The following MRAS variants were observed in gnomAD, a reference collection of about 807,000 sequenced individuals.
MRAS encodes the protein ras-related protein M-Ras.
A neutral mutation model predicts 20.9 loss-of-function variants in MRAS; 4 were observed. That is an observed-to-expected ratio of 0.19 (90% CI 0.09 to 0.44). The LOEUF is 0.44. MRAS is among the 20% of genes least tolerant of loss of function. The pLI is 0.99. For missense variants in MRAS, 154 were observed against 277.5 expected (o/e 0.56, Z 3.16); for synonymous variants, 98 against 102.9 (o/e 0.95, Z 0.29).
intron 1 of MRAS, among the ~76,000 whole-genome samples, chr3:138,363,784 A>C (rs2054499244): frequency 8.0e-6 from 1 of 124,464 alleles, no homozygotes; most frequent in Admixed American, 9.8e-5. Flanking sequence ...TAAAACAGGG[A>C]CCTTTCTCAT....
intron 1 of MRAS, among the ~76,000 whole-genome samples, chr3:138,360,580 T>A (rs2054426394): frequency 6.6e-6 from 1 of 152,202 alleles, no homozygotes; most frequent in South Asian, 2.1e-4. Flanking sequence ...CCTGCTGGGC[T>A]GGTGCCCACG....
chr3:138,383,197 A>G (rs1376983248), intron 2 of MRAS, among the ~76,000 whole-genome samples: 1 of 152,232 alleles, frequency 6.6e-6, no homozygotes, highest in African/African-American at 2.4e-5. Flanking sequence ...CAGACTTGGC[A>G]TCTATTAGGT....
chr3:138,379,319 C>T (rs577804334), intron 2 of MRAS, among the ~76,000 whole-genome samples: 27 of 151,486 alleles, frequency 1.8e-4, no homozygotes, highest in South Asian at 1.0e-3. Context: ...ACATAATGAC[C>T]TCCAGTTCCA....
rs534218214 is a variant in MRAS at position 138,396,588 on chromosome 3, G to A, written c.194-736G>A. Among the ~76,000 whole-genome samples, 94 of 152,360 alleles carry A rather than the reference G, an allele frequency of 6.2e-4. 2 individuals are homozygous for A. The South Asian group carries it at 0.017, about 27-fold the overall frequency. On this transcript the variant is annotated intron_variant, in intron 2 of 5. Transcript: ENST00000423968. ...ACCGAGCTTGTGGCTGTGAGCAGTG[G>A]GATGAGACTTTCCCTCAGCAGGAAG...
At chr3:138,372,749 C>A in intron 1 of MRAS, 117 bp from the exon 2 acceptor site, 1 of 743,282 alleles carries the variant, frequency 1.3e-6, no homozygotes, top group Non-Finnish European at 2.0e-6. Context: ...TGCATTTCTT[C>A]ATTTTCAAAC....
chr3:138,395,313 A>G (rs2055212457), intron 2 of MRAS, among the ~76,000 whole-genome samples: 1 of 152,138 alleles, frequency 6.6e-6, no homozygotes, highest in South Asian at 2.1e-4. Context: ...CTGGGATTAC[A>G]TGCATGAGCC....
intron 4 of MRAS, among the ~76,000 whole-genome samples, chr3:138,399,912 C>T (rs1428910652): frequency 6.6e-6 from 1 of 152,244 alleles, no homozygotes; most frequent in Non-Finnish European, 1.5e-5. Context: ...GGGGCCACCA[C>T]AGTCGTATCT....
intron 2 of MRAS, among the ~76,000 whole-genome samples, chr3:138,390,460 C>T (rs2055109081): frequency 6.6e-6 from 1 of 152,230 alleles, no homozygotes; most frequent in Non-Finnish European, 1.5e-5. Flanking sequence ...CGCACACGCA[C>T]ACGCACATTG....
At chr3:138,357,634 G>A (rs1317891708) in intron 1 of MRAS, among the ~76,000 whole-genome samples, 1 of 152,204 alleles carries the variant, frequency 6.6e-6, no homozygotes, top group Non-Finnish European at 1.5e-5. Context: ...CTCCCCATCT[G>A]CAGTATTTCT....
chr3:138,355,306 A>G (rs1052662221), intron 1 of MRAS, among the ~76,000 whole-genome samples: 1 of 152,178 alleles, frequency 6.6e-6, no homozygotes, highest in Non-Finnish European at 1.5e-5. Context: ...TGACGACAGG[A>G]CGCAGCTTCT....
chr3:138,373,352 G>A (rs1235768133), intron 2 of MRAS, among the ~76,000 whole-genome samples: 1 of 152,222 alleles, frequency 6.6e-6, no homozygotes, highest in Non-Finnish European at 1.5e-5. Flanking sequence ...TTTTCTTGCT[G>A]ATCAGAATCT....
intron 2 of MRAS, among the ~76,000 whole-genome samples, chr3:138,374,442 T>G (rs1380190148): frequency 1.3e-5 from 2 of 152,238 alleles, no homozygotes; most frequent in Non-Finnish European, 2.9e-5. Flanking sequence ...AACCTACAAC[T>G]TTGCTAAACT....
intron 1 of MRAS, among the ~76,000 whole-genome samples, chr3:138,355,689 G>A (rs1015789963): frequency 2.6e-5 from 4 of 152,192 alleles, no homozygotes; most frequent in African/African-American, 7.2e-5. Context: ...CCAACACTTT[G>A]GGAGATTGAG....
chr3:138,397,613 A>G lies in MRAS; in HGVS notation c.347+136A>G, dbSNP rs1422648026. 3 of 1,042,564 alleles carry G rather than the reference A, an allele frequency of 2.9e-6. No homozygotes were observed. In the Admixed American group the frequency reaches 8.6e-5, roughly 30 times the overall value. 64.6% of individuals were successfully genotyped at this position (1,042,564 alleles called of 1,614,324 possible). ...GTGGATTTTTTTAAGCCTTATGTGG[A>G]GTAATTAAATCATTTGAAATCTGGT... On this transcript the variant is annotated intron_variant, in intron 3 of 5. Coordinates refer to ENST00000423968, the MANE Select transcript of MRAS (RefSeq NM_001085049.3).
At chr3:138,387,890 A>G (rs1576376192) in intron 2 of MRAS, among the ~76,000 whole-genome samples, 1 of 151,906 alleles carries the variant, frequency 6.6e-6, no homozygotes. Context: ...AGACCCCCTC[A>G]CTCCATTCCC....
intron 1 of MRAS, among the ~76,000 whole-genome samples, chr3:138,353,519 C>T (rs1224113650): frequency 6.6e-6 from 1 of 152,172 alleles, no homozygotes; most frequent in Non-Finnish European, 1.5e-5. Context: ...GAAGTTCTTT[C>T]CCTTCTTCCC....
At chr3:138,380,265 C>CT (rs1019049334) in intron 2 of MRAS, among the ~76,000 whole-genome samples, 10 of 151,960 alleles carry the variant, frequency 6.6e-5, no homozygotes, top group African/African-American at 2.4e-4. Flanking sequence ...CCCTTAAACA[C>CT]TAAGTCCCCA....
At chr3:138,349,072 GGATA>G (rs1482517610) in intron 1 of MRAS, 4 of 144,742 alleles carry the variant, frequency 2.8e-5, no homozygotes, top group Admixed American at 1.4e-4. Flanking sequence ...AGAACCCGGT[GGATA>G]GATGGGCGGC....
intron 2 of MRAS, among the ~76,000 whole-genome samples, chr3:138,374,706 T>C (rs2054747994): frequency 6.6e-6 from 1 of 152,218 alleles, no homozygotes; most frequent in Admixed American, 6.5e-5. Flanking sequence ...TGATGTTAGT[T>C]GCAGGCCTTT....
Sources: gnomAD v4.1 joint callset for allele counts (sites outside exome capture counted in the v4.1 genomes callset) on GRCh38, gnomAD v4.1.1 for gene constraint, MANE v1.5 for transcripts, NCBI Gene and HGNC (gene_info 2026-07-23, HGNC 2026-07-21) for gene names.